Variants in KATNIP observed in about 807,000 individuals in gnomAD.
KATNIP encodes the protein katanin-interacting protein.
In KATNIP, 126 loss-of-function variants were observed where a neutral mutation model predicts 174.0. That is an observed-to-expected ratio of 0.72 (90% CI 0.63 to 0.84). The LOEUF is 0.84. Ranked by LOEUF, KATNIP falls within the 40% of genes least tolerant of loss-of-function variation. The probability of loss-of-function intolerance (pLI) is 0.00; values close to 1 mark genes in which losing one functional copy is unlikely to be tolerated. For synonymous variants in KATNIP, 810 were observed against 835.7 expected (o/e 0.97, Z 0.53); for missense variants, 1,958 against 2,109.7 (o/e 0.93, Z 1.41).
intron 20 of KATNIP, among the ~76,000 whole-genome samples, chr16:27,767,176 T>C (rs2144125779): frequency 6.6e-6 from 1 of 152,220 alleles, no homozygotes; most frequent in East Asian, 1.9e-4. Context: ...GCTAGGGCCC[T>C]ACTATCAGGA....
At chr16:27,576,489 A>G (rs2090500554) in intron 2 of KATNIP, among the ~76,000 whole-genome samples, 1 of 152,120 alleles carries the variant, frequency 6.6e-6, no homozygotes, top group South Asian at 2.1e-4. Flanking sequence ...AATTAAATAA[A>G]TAAAGGCTTG....
intron 2 of KATNIP, among the ~76,000 whole-genome samples, chr16:27,581,703 C>T (rs973627470): frequency 3.3e-5 from 5 of 152,180 alleles, no homozygotes; most frequent in African/African-American, 9.7e-5. Flanking sequence ...AAGCAGTATA[C>T]ACTACACCTA....
intron 2 of KATNIP, among the ~76,000 whole-genome samples, chr16:27,617,739 T>C (rs1259997067): frequency 1.3e-5 from 2 of 152,008 alleles, no homozygotes; most frequent in Non-Finnish European, 2.9e-5. Context: ...AAAATAAGAT[T>C]CCCCTCCCCT....
At chr16:27,558,989 A>C (rs1239883525) in intron 1 of KATNIP, among the ~76,000 whole-genome samples, 1 of 152,204 alleles carries the variant, frequency 6.6e-6, no homozygotes, top group Admixed American at 6.5e-5. Context: ...TCTGTGGGGA[A>C]GAACTGGCCA....
intron 1 of KATNIP, among the ~76,000 whole-genome samples, chr16:27,562,075 G>A (rs965002702): frequency 2.6e-5 from 4 of 152,212 alleles, no homozygotes; most frequent in Non-Finnish European, 4.4e-5. Context: ...GGAGACTGAT[G>A]CAGGAGGACT....
Position 27,701,781 on chromosome 16 carries a change from A to G in KATNIP, c.1286+86A>G, listed in dbSNP as rs114719718. ...TTCATGAGGGTTCTTTGCTTTTCCT[A>G]CGTTTTTTTCAGACCCCTTATTTCT... On this transcript the variant is annotated intron_variant, in intron 11 of 27. Transcript: ENST00000261588. The G allele has an allele frequency of 5.6e-4, 540 of 970,956 alleles. 5 individuals carry two copies. In the African/African-American group the frequency reaches 6.6e-3, roughly 12 times the overall value. 60.1% of individuals were successfully genotyped at this position (970,956 alleles called of 1,614,324 possible).
intron 8 of KATNIP, among the ~76,000 whole-genome samples, chr16:27,685,612 A>C (rs573086850): frequency 2.0e-5 from 3 of 152,326 alleles, no homozygotes; most frequent in Non-Finnish European, 4.4e-5. Flanking sequence ...CCTGGTATTT[A>C]GTTCTTAGGG....
At chr16:27,591,779 A>G (rs1325454623) in intron 2 of KATNIP, among the ~76,000 whole-genome samples, 1 of 152,156 alleles carries the variant, frequency 6.6e-6, no homozygotes, top group African/African-American at 2.4e-5. Flanking sequence ...TGGTTTTGGC[A>G]GCCATACCAT....
Position 27,630,008 on chromosome 16 carries a change from G to C in KATNIP, c.311-1057G>C, listed in dbSNP as rs570039505. ...AGCCTGGGTGACAGAGCAAGACCCTGTTTCAAAATAAATAAATAAATATTT... is the reference window on the plus strand; with the variant it reads ...AGCCTGGGTGACAGAGCAAGACCCTCTTTCAAAATAAATAAATAAATATTT... On this transcript the variant is annotated intron_variant, in intron 4 of 27. Transcript: ENST00000261588. Among the ~76,000 whole-genome samples the C allele has an allele frequency of 4.6e-5, 7 of 152,254 alleles. No homozygotes were observed. The East Asian group carries it at 1.4e-3, about 29-fold the overall frequency.
intron 3 of KATNIP, among the ~76,000 whole-genome samples, chr16:27,624,879 A>G (rs1423998739): frequency 2.6e-5 from 4 of 152,246 alleles, no homozygotes; most frequent in African/African-American, 4.8e-5. Flanking sequence ...ACCATGGCCC[A>G]TAGGACAGAG....
intron 2 of KATNIP, among the ~76,000 whole-genome samples, chr16:27,603,273 C>T (rs1282759919): frequency 6.6e-6 from 1 of 152,156 alleles, no homozygotes; most frequent in Non-Finnish European, 1.5e-5. Context: ...AACTCAGGCC[C>T]CTTTCATCCT....
intron 17 of KATNIP, among the ~76,000 whole-genome samples, chr16:27,753,704 T>A (rs984369328): frequency 5.3e-5 from 8 of 152,058 alleles, no homozygotes; most frequent in African/African-American, 1.9e-4. Flanking sequence ...TTTGAATTCT[T>A]CCACTTCCCC....
At chr16:27,643,399 T>C (rs2076862499) in intron 5 of KATNIP, 1 of 152,200 alleles carries the variant, frequency 6.6e-6, no homozygotes, top group Non-Finnish European at 1.5e-5. Context: ...AAGACCAGCT[T>C]GGCCAACTTG....
intron 2 of KATNIP, among the ~76,000 whole-genome samples, chr16:27,588,801 C>G (rs1283329471): frequency 6.6e-6 from 1 of 151,966 alleles, no homozygotes; most frequent in Non-Finnish European, 1.5e-5. Flanking sequence ...CAATCTCATT[C>G]CCCTTCCCAG....
intron 2 of KATNIP, among the ~76,000 whole-genome samples, chr16:27,583,624 C>G (rs1380195237): frequency 2.0e-5 from 3 of 152,206 alleles, no homozygotes; most frequent in Admixed American, 2.0e-4. Context: ...ACTTGCTTTC[C>G]CCTCTCTGAG....
chr16:27,605,602 T>C (rs1884217485), intron 2 of KATNIP, among the ~76,000 whole-genome samples: 3 of 152,236 alleles, frequency 2.0e-5, no homozygotes, highest in South Asian at 4.1e-4. Flanking sequence ...ATTATCCATC[T>C]GGCATGCGCG....
rs1033524214 is a variant in KATNIP, at chr16:27,761,504, G to T, written c.3723G>T (p.Leu1241=). Residue 1241 remains leucine (L), a synonymous_variant, in exon 19 of 28, where the codon CTG becomes CTT. Transcript: ENST00000261588. ...LEVVGKEGQA[L]PIHLHQISAS... ...TGGTGGGCAAGGAGGGCCAGGCGCT[G>T]CCCATCCACCTGCACCAGATCTCTG... The T allele has an allele frequency of 1.9e-6, 3 of 1,614,002 alleles. No individual in the cohort carries two copies. Among genetic ancestry groups the T allele is most frequent in the African/African-American group, 2.7e-5 (2 of 74,912 alleles).
rs555389576 is a variant in KATNIP, at chr16:27,734,299, T to G, written c.1744-5742T>G. 1.8e-3 allele frequency among the ~76,000 whole-genome samples: 275 copies of G among 149,644 alleles called. 1 individual carries two copies. The highest frequency in any genetic ancestry group is 6.5e-3 in the African/African-American group (264 of 40,618). The stretch of plus-strand genomic sequence containing the variant: ...CGTTTCTGGCACCTCTGCAGAGCGG[T>G]CTCAAATTCCTGACCTCGTGATCCA... On this transcript the variant is annotated intron_variant, in intron 14 of 27. Transcript: ENST00000261588.
intron 5 of KATNIP, among the ~76,000 whole-genome samples, chr16:27,639,311 TG>T (rs761590914): frequency 5.7e-4 from 87 of 152,338 alleles, no homozygotes; most frequent in Non-Finnish European, 1.1e-3. Context: ...CCCTGTGGAA[TG>T]GGCTGGTGGT....
Sources: gnomAD v4.1 joint callset for allele counts (sites outside exome capture counted in the v4.1 genomes callset) on GRCh38, gnomAD v4.1.1 for gene constraint, MANE v1.5 for transcripts, NCBI Gene and HGNC (gene_info 2026-07-23, HGNC 2026-07-21) for gene names.